The following ELP4 variants were observed in gnomAD, a reference collection of about 807,000 sequenced individuals.
ELP4 encodes the protein elongator complex protein 4.
Under a neutral mutation model 48.9 loss-of-function variants are expected in ELP4, and 51 were observed. The observed-to-expected ratio is 1.04, with a 90% CI of 0.83 to 1.32. ELP4 has a LOEUF of 1.32. ELP4 is among the 40% of genes most tolerant of loss of function. The pLI is 0.00. For synonymous variants in ELP4, 210 were observed against 189.2 expected (o/e 1.11, Z -0.90); for missense variants, 519 against 514.6 (o/e 1.01, Z -0.08).
chr11:31,629,089 T>G (rs1461472278), intron 6 of ELP4, among the ~76,000 whole-genome samples: 2 of 152,042 alleles, frequency 1.3e-5, no homozygotes, highest in Admixed American at 1.3e-4. Flanking sequence ...TGGTAGTAAG[T>G]AAAGTAGTGT....
At chr11:31,647,460 T>C (rs1001918259) in intron 7 of ELP4, 1 of 259,250 alleles carries the variant, frequency 3.9e-6, no homozygotes, top group African/African-American at 2.3e-5. Flanking sequence ...ATAATCAATT[T>C]ATGTTCTCTA....
intron 9 of ELP4, among the ~76,000 whole-genome samples, chr11:31,693,067 T>A (rs757873210): frequency 1.4e-4 from 22 of 152,162 alleles, no homozygotes; most frequent in Non-Finnish European, 7.3e-5. Context: ...GTGCCCCATG[T>A]TTATTAGGGA....
At chr11:31,588,047 A>G (rs1008320225) in intron 3 of ELP4, among the ~76,000 whole-genome samples, 2 of 147,934 alleles carry the variant, frequency 1.4e-5, no homozygotes, top group Non-Finnish European at 2.9e-5. Flanking sequence ...CTTTTAAAAC[A>G]TATATGTTTC....
chr11:31,696,916 A>G (rs930692548), intron 9 of ELP4, among the ~76,000 whole-genome samples: 1 of 152,164 alleles, frequency 6.6e-6, no homozygotes. Flanking sequence ...CAGGAGACTC[A>G]TCTCACGTGC....
intron 9 of ELP4, among the ~76,000 whole-genome samples, chr11:31,766,886 TGAAAAACAGAA>T (rs1374603405): frequency 6.6e-6 from 1 of 151,960 alleles, no homozygotes; most frequent in Non-Finnish European, 1.5e-5. Context: ...GCTATCTTAA[TGAAAAACAGAA>T]GAAAAAATGC....
At chr11:31,782,551 A>G (rs1231206852) in intron 9 of ELP4, among the ~76,000 whole-genome samples, 1 of 152,184 alleles carries the variant, frequency 6.6e-6, no homozygotes, top group Non-Finnish European at 1.5e-5. Flanking sequence ...TGAATTTGAT[A>G]TTCTTTTGAA....
At chr11:31,645,061 G>A (rs1021623590) in intron 7 of ELP4, among the ~76,000 whole-genome samples, 1 of 151,696 alleles carries the variant, frequency 6.6e-6, no homozygotes, top group Non-Finnish European at 1.5e-5. Flanking sequence ...AGATCACTGT[G>A]AAACTATATA....
intron 5 of ELP4, among the ~76,000 whole-genome samples, chr11:31,605,874 A>G (rs1223677509): frequency 6.6e-6 from 1 of 152,030 alleles, no homozygotes; most frequent in Non-Finnish European, 1.5e-5. Context: ...TAACTCTCCT[A>G]CTGTTGCAGG....
intron 2 of ELP4, among the ~76,000 whole-genome samples, chr11:31,521,759 G>C (rs1956217774): frequency 6.6e-6 from 1 of 152,054 alleles, no homozygotes; most frequent in Non-Finnish European, 1.5e-5. Flanking sequence ...AATATACAGG[G>C]AGTGGTTAAA....
intron 2 of ELP4, among the ~76,000 whole-genome samples, chr11:31,521,979 T>TTG (rs1400599475): frequency 1.3e-5 from 2 of 152,144 alleles, no homozygotes; most frequent in South Asian, 2.1e-4. Flanking sequence ...ATCAATACAA[T>TTG]ATAATCTTCT....
At chr11:31,718,254 T>C (rs1946882298) in intron 9 of ELP4, among the ~76,000 whole-genome samples, 1 of 152,264 alleles carries the variant, frequency 6.6e-6, no homozygotes, top group South Asian at 2.1e-4. Flanking sequence ...TAGACCTTAA[T>C]ATTAACCATC....
chr11:31,564,689 C>A (rs1428996013), intron 3 of ELP4, among the ~76,000 whole-genome samples: 2 of 152,160 alleles, frequency 1.3e-5, no homozygotes, highest in Non-Finnish European at 2.9e-5. Flanking sequence ...TCGTCTATGT[C>A]CCTGCAAAGG....
intron 2 of ELP4, among the ~76,000 whole-genome samples, chr11:31,528,174 G>A (rs1314075330): frequency 7.9e-5 from 12 of 151,868 alleles, no homozygotes; most frequent in Non-Finnish European, 1.8e-4. Context: ...TTTTACATCA[G>A]GTAATCATGA....
intron 9 of ELP4, chr11:31,662,590 A>C (rs1423796198): frequency 2.5e-6 from 1 of 397,890 alleles, no homozygotes; most frequent in Non-Finnish European, 4.4e-6. Flanking sequence ...CGTCATTTAC[A>C]AAGAAAATTT....
intron 2 of ELP4, among the ~76,000 whole-genome samples, chr11:31,531,531 G>A (rs1956395682): frequency 6.6e-6 from 1 of 152,168 alleles, no homozygotes; most frequent in African/African-American, 2.4e-5. Context: ...AAGGAGGTGA[G>A]CAAATTAGTT....
At chr11:31,626,779 ATC>A (rs1944753452) in intron 5 of ELP4, among the ~76,000 whole-genome samples, 1 of 151,862 alleles carries the variant, frequency 6.6e-6, no homozygotes, top group Non-Finnish European at 1.5e-5. Flanking sequence ...ACTCCTGAAA[ATC>A]TATAGTGGCT....
chr11:31,774,233 G>C (rs1007626144), intron 9 of ELP4, among the ~76,000 whole-genome samples: 1 of 152,122 alleles, frequency 6.6e-6, no homozygotes, highest in East Asian at 1.9e-4. Flanking sequence ...TCACTCTTTC[G>C]TCTTATCAGT....
intron 3 of ELP4, among the ~76,000 whole-genome samples, chr11:31,581,936 TA>T (rs1423449896): frequency 6.6e-6 from 1 of 152,110 alleles, no homozygotes; most frequent in Non-Finnish European, 1.5e-5. Context: ...TATTTTTTTG[TA>T]GAGAAAGGAT....
intron 2 of ELP4, among the ~76,000 whole-genome samples, chr11:31,528,640 T>G (rs1394784949): frequency 6.6e-6 from 1 of 152,096 alleles, no homozygotes; most frequent in South Asian, 2.1e-4. Flanking sequence ...TATATACATG[T>G]GTAGGTGATG....
Sources: gnomAD v4.1 joint callset for allele counts (sites outside exome capture counted in the v4.1 genomes callset) on GRCh38, gnomAD v4.1.1 for gene constraint, MANE v1.5 for transcripts, NCBI Gene and HGNC (gene_info 2026-07-23, HGNC 2026-07-21) for gene names.